The following FBXO8 variants were observed in gnomAD, a reference collection of about 807,000 sequenced individuals.
The protein encoded by FBXO8 is F-box protein 8.
In FBXO8, 15 loss-of-function variants were observed where a neutral mutation model predicts 33.4. The observed-to-expected ratio is 0.45, with a 90% CI of 0.30 to 0.69. The LOEUF is 0.69. Ranked by LOEUF, FBXO8 falls within the 30% of genes least tolerant of loss-of-function variation. FBXO8 has a pLI of 0.08. For synonymous variants in FBXO8, 132 were observed against 131.5 expected, an observed-to-expected ratio of 1.00 and a Z score of -0.02; for missense variants, 274 against 380.3, an observed-to-expected ratio of 0.72 and a Z score of 2.32.
In FBXO8 at chr4:174,241,537, A is replaced by T. The variant is rs1475798925; in HGVS notation, c.457-319T>A. Among the ~76,000 whole-genome samples the T allele has an allele frequency of 6.6e-6, 1 of 151,598 alleles. No homozygotes were observed. Among genetic ancestry groups the T allele is most frequent in the Non-Finnish European group, 1.5e-5 (1 of 67,600 alleles). On this transcript the variant is annotated intron_variant, in intron 3 of 5. Coordinates refer to ENST00000393674, the MANE Select transcript of FBXO8 (RefSeq NM_012180.3). This position sits in a 1 kb window ranked among gnomAD's most constrained non-coding sequence, Gnocchi z 4.2. Reference sequence around the variant, plus strand: ...GAAGGGGGCTGCAGATGAAACCACAATACAGACGTTAAAACAAGCCTTTTA... The same window carrying T: ...GAAGGGGGCTGCAGATGAAACCACATTACAGACGTTAAAACAAGCCTTTTA...
rs925211330 is a variant in FBXO8 at position 174,272,991 on chromosome 4, A to T, written c.-8-9891T>A. On this transcript the variant is annotated intron_variant, in intron 1 of 5. Coordinates refer to ENST00000393674, the MANE Select transcript of FBXO8 (RefSeq NM_012180.3). The surrounding 1 kb of genome is among the most constrained non-coding windows in gnomAD (Gnocchi z 4.7). ...AAAAGGCAGTCTGTAAAATAACAGA[A>T]TATTTTCCTTCAAAAACACCAATGC... Among the ~76,000 whole-genome samples the T allele has an allele frequency of 5.9e-4, 90 of 152,324 alleles. No individual in the cohort carries two copies. The highest frequency in any genetic ancestry group is 2.1e-3 in the African/African-American group (88 of 41,570).
At position 174,237,687 on chromosome 4, in the gene FBXO8, T is replaced by C; in HGVS notation, c.773-88A>G. On this transcript the variant is annotated intron_variant, in intron 5 of 5. Transcript: ENST00000393674. The surrounding 1 kb of genome is among the most constrained non-coding windows in gnomAD (Gnocchi z 4.4). ...TTATATAAGGCAAAAATGTTCATAA[T>C]TTCAAGATATCAAGATTAGCTCATA... The C allele has an allele frequency of 9.2e-7, 1 of 1,085,920 alleles. No individual in the cohort carries two copies. Among genetic ancestry groups the C allele is most frequent in the Non-Finnish European group, 1.3e-6 (1 of 763,902 alleles). The allele number at this position is 1,085,920 out of a possible 1,614,324, so 67.3% of individuals were successfully genotyped here.
At chr4:174,268,278 T>C (rs971368809) in intron 1 of FBXO8, among the ~76,000 whole-genome samples, 6 of 152,324 alleles carry the variant, frequency 3.9e-5, no homozygotes, top group African/African-American at 9.6e-5. Context: ...TTAATACATA[T>C]TGCTAATTCA....
rs1736600744 is a variant in FBXO8 at position 174,262,818 on chromosome 4, C to A, written c.275G>T (p.Cys92Phe). The change falls in exon 2 of 6, where the codon TGC becomes TTC. Residue 92 changes from cysteine to phenylalanine, a missense_variant. Coordinates refer to ENST00000393674, the MANE Select transcript of FBXO8 (RefSeq NM_012180.3). This position sits in a 1 kb window ranked among gnomAD's most constrained non-coding sequence, Gnocchi z 4.6. ...GTCCTGCCAAACACATGAAGCCAAG[C>A]AAAGGTCAGTTGCATTCAGGTAGGA... ...ILSYLNATDL[C>F]LASCVWQDLA... is the part of the protein sequence containing the mutation. 6 of 1,613,966 alleles carry A rather than the reference C, an allele frequency of 3.7e-6. No homozygotes were observed. The highest frequency in any genetic ancestry group is 5.1e-6 in the Non-Finnish European group (6 of 1,179,918).
At position 174,270,741 on chromosome 4, in the gene FBXO8, C is replaced by G. The variant is rs925128067; in HGVS notation, c.-8-7641G>C. ...AAGTGATTCTCCTGTCTCAGCCTCC[C>G]GAGTGCTGGGATTACAGGCACCTGC... On this transcript the variant is annotated intron_variant, in intron 1 of 5. Transcript: ENST00000393674. This position sits in a 1 kb window ranked among gnomAD's most constrained non-coding sequence, Gnocchi z 4.6. Among the ~76,000 whole-genome samples, 1 of 151,838 alleles carries G rather than the reference C, an allele frequency of 6.6e-6. No individual in the cohort carries two copies. Among genetic ancestry groups the G allele is most frequent in the Non-Finnish European group, 1.5e-5 (1 of 67,958 alleles).
chr4:174,280,097 GATAAA>G (rs1181134120), intron 1 of FBXO8, among the ~76,000 whole-genome samples: 1 of 152,034 alleles, frequency 6.6e-6, no homozygotes, highest in East Asian at 1.9e-4. Flanking sequence ...TCATGTATCT[GATAAA>G]ATCTAATATC....
chr4:174,282,681 T>A (rs930319148), intron 1 of FBXO8, among the ~76,000 whole-genome samples: 1 of 152,128 alleles, frequency 6.6e-6, no homozygotes, highest in African/African-American at 2.4e-5. Context: ...TTTACCGTAA[T>A]AAAAATCATG....
At chr4:174,264,474 G>A (rs563392395) in intron 1 of FBXO8, among the ~76,000 whole-genome samples, 13 of 152,118 alleles carry the variant, frequency 8.5e-5, no homozygotes, top group East Asian at 1.9e-4. Flanking sequence ...TATAATCCAC[G>A]CATTTATTTA....
In FBXO8 at chr4:174,267,971, T is replaced by TAC. The variant is rs1367027179; in HGVS notation, c.-8-4872_-8-4871insGT. 6.6e-6 allele frequency among the ~76,000 whole-genome samples: 1 copy of TAC among 152,232 alleles called. No individual in the cohort carries two copies. Among genetic ancestry groups the TAC allele is most frequent in the African/African-American group, 2.4e-5 (1 of 41,456 alleles). On this transcript the variant is annotated intron_variant, in intron 1 of 5. Coordinates refer to ENST00000393674, the MANE Select transcript of FBXO8 (RefSeq NM_012180.3). This position sits in a 1 kb window ranked among gnomAD's most constrained non-coding sequence, Gnocchi z 4.7. ...TTTTGTGATGAAACTACAGCTTTAT[T>TAC]TGTTCACTCAAAATAGGTGGAGAAA...
At chr4:174,238,915 G>T in intron 5 of FBXO8, 79 bp downstream of exon 5, 1 of 906,662 alleles carries the variant, frequency 1.1e-6, no homozygotes, top group Non-Finnish European at 1.6e-6. Flanking sequence ...TCCCCACAGT[G>T]AGACAAATGT....
At chr4:174,279,583 T>C (rs890071501) in intron 1 of FBXO8, among the ~76,000 whole-genome samples, 4 of 152,152 alleles carry the variant, frequency 2.6e-5, no homozygotes. Flanking sequence ...TGGAAGACAC[T>C]TTCTGATTTC....
rs1736331231 is a variant in FBXO8, at chr4:174,253,015, T to C, written c.456+6684A>G. On this transcript the variant is annotated intron_variant, in intron 3 of 5. Transcript: ENST00000393674. This position sits in a 1 kb window ranked among gnomAD's most constrained non-coding sequence, Gnocchi z 4.5. ...AAAAATCTTTCTCTATACACATATTTTCCAACCTCATGAGTCAAGAGATAG... is the reference window on the plus strand; with the variant it reads ...AAAAATCTTTCTCTATACACATATTCTCCAACCTCATGAGTCAAGAGATAG... Among the ~76,000 whole-genome samples the C allele has an allele frequency of 6.6e-6, 1 of 152,080 alleles. No homozygotes were observed. Among genetic ancestry groups the C allele is most frequent in the African/African-American group, 2.4e-5 (1 of 41,412 alleles).
rs1299492682 is a variant in FBXO8, at chr4:174,265,578, A to G, written c.-8-2478T>C. Among the ~76,000 whole-genome samples the G allele has an allele frequency of 6.6e-6, 1 of 152,176 alleles. No individual in the cohort carries two copies. The highest frequency in any genetic ancestry group is 2.4e-5 in the African/African-American group (1 of 41,470). On this transcript the variant is annotated intron_variant, in intron 1 of 5. Transcript: ENST00000393674. This position sits in a 1 kb window ranked among gnomAD's most constrained non-coding sequence, Gnocchi z 4.7. ...CATGGAGGAACTTTAAGTGCCTATT[A>G]TTAATGTTAAGTAAAAGAAGCAAAT...
chr4:174,245,265 A>G lies in FBXO8; in HGVS notation c.457-4047T>C, dbSNP rs1736135060. Among the ~76,000 whole-genome samples, 2 of 151,794 alleles carry G rather than the reference A, an allele frequency of 1.3e-5. No homozygotes were observed. Among genetic ancestry groups the G allele is most frequent in the African/African-American group, 2.4e-5 (1 of 41,390 alleles). On this transcript the variant is annotated intron_variant, in intron 3 of 5. Transcript: ENST00000393674. This position sits in a 1 kb window ranked among gnomAD's most constrained non-coding sequence, Gnocchi z 4.6. ...GAAAACCTAAATGAATGCTTATGAA[A>G]AGTAAGTGTTTCAGAGTTCAATGAA...
chr4:174,248,609 C>T (rs1266675366), intron 3 of FBXO8, among the ~76,000 whole-genome samples: 2 of 152,052 alleles, frequency 1.3e-5, no homozygotes. Flanking sequence ...GAGAGAGTGC[C>T]AGTATCCTGT....
At chr4:174,266,492 G>A (rs1014182366) in intron 1 of FBXO8, among the ~76,000 whole-genome samples, 1 of 152,158 alleles carries the variant, frequency 6.6e-6, no homozygotes, top group African/African-American at 2.4e-5. Flanking sequence ...AGAAAGAAAA[G>A]GGAGTCTGTA....
At position 174,275,384 on chromosome 4, in the gene FBXO8, G is replaced by T. The variant is rs1051677823; in HGVS notation, c.-9+8026C>A. Among the ~76,000 whole-genome samples, 3 of 151,950 alleles carry T rather than the reference G, an allele frequency of 2.0e-5. No individual in the cohort carries two copies. Among genetic ancestry groups the T allele is most frequent in the African/African-American group, 7.3e-5 (3 of 41,330 alleles). ...ACTAGGGGAATATGAGTAAGATGGG[G>T]GATTGTATCAATGTCAAAATCCTGG... On this transcript the variant is annotated intron_variant, in intron 1 of 5. Coordinates refer to ENST00000393674, the MANE Select transcript of FBXO8 (RefSeq NM_012180.3). This position sits in a 1 kb window ranked among gnomAD's most constrained non-coding sequence, Gnocchi z 4.4.
intron 3 of FBXO8, among the ~76,000 whole-genome samples, chr4:174,246,580 A>G (rs979785731): frequency 1.6e-4 from 23 of 148,226 alleles, no homozygotes; most frequent in African/African-American, 5.4e-4. Flanking sequence ...ATTAAAGGGA[A>G]AAAAGAGAAA....
chr4:174,248,142 C>G (rs1383348528), intron 3 of FBXO8, among the ~76,000 whole-genome samples: 2 of 151,994 alleles, frequency 1.3e-5, no homozygotes, highest in Non-Finnish European at 2.9e-5. Flanking sequence ...TCATTTCTTT[C>G]TACCCACTAA....
Sources: gnomAD v4.1 joint callset for allele counts (sites outside exome capture counted in the v4.1 genomes callset) on GRCh38, gnomAD v4.1.1 for gene constraint, Gnocchi (gnomAD v3.1) non-coding constraint, MANE v1.5 for transcripts, NCBI Gene and HGNC (gene_info 2026-07-23, HGNC 2026-07-21) for gene names.